The following FER variants were observed in gnomAD, a reference collection of about 807,000 sequenced individuals.
FER encodes the protein tyrosine-protein kinase Fer.
Under a neutral mutation model 111.0 loss-of-function variants are expected in FER, and 63 were observed. The ratio of observed to expected loss-of-function variants is 0.57; its 90% CI spans 0.46 to 0.70. FER has a LOEUF of 0.70. FER is among the 30% of genes least tolerant of loss of function. The pLI is 0.00. For synonymous variants in FER, 327 were observed against 313.9 expected (o/e 1.04, Z -0.44); for missense variants, 914 against 954.0 (o/e 0.96, Z 0.55).
At chr5:109,170,589 G>A (rs1043862971) in intron 17 of FER, among the ~76,000 whole-genome samples, 2 of 152,132 alleles carry the variant, frequency 1.3e-5, no homozygotes, top group South Asian at 2.1e-4. Flanking sequence ...GGGATAATAG[G>A]TTAAGTTCCT....
At chr5:109,140,000 C>T (rs573027588) in intron 17 of FER, among the ~76,000 whole-genome samples, 3 of 152,226 alleles carry the variant, frequency 2.0e-5, no homozygotes, top group South Asian at 4.1e-4. Context: ...CTGTGATTCC[C>T]AAAAAAGCTC....
At chr5:108,927,501 C>T (rs1348541865) in intron 10 of FER, among the ~76,000 whole-genome samples, 1 of 151,858 alleles carries the variant, frequency 6.6e-6, no homozygotes, top group Non-Finnish European at 1.5e-5. Context: ...CCTCATGATC[C>T]ACCTGCCTCG....
chr5:108,949,381 C>T (rs2149636477), intron 11 of FER, among the ~76,000 whole-genome samples: 1 of 151,940 alleles, frequency 6.6e-6, no homozygotes, highest in South Asian at 2.1e-4. Flanking sequence ...TTGCGCTTTC[C>T]CCCCATTTAT....
intron 14 of FER, among the ~76,000 whole-genome samples, chr5:109,038,909 G>A (rs972465080): frequency 2.0e-5 from 3 of 151,854 alleles, no homozygotes; most frequent in Non-Finnish European, 4.4e-5. Context: ...GTATTAGGAG[G>A]AATTTATCTC....
chr5:108,994,759 ATTTG>A (rs1395230071), intron 13 of FER, among the ~76,000 whole-genome samples: 1 of 151,918 alleles, frequency 6.6e-6, no homozygotes, highest in African/African-American at 2.4e-5. Context: ...ATGTTTTTCC[ATTTG>A]TTTGTTTCCT....
chr5:108,817,338 C>T (rs1392447445), intron 3 of FER, among the ~76,000 whole-genome samples: 5 of 151,970 alleles, frequency 3.3e-5, no homozygotes, highest in African/African-American at 1.2e-4. Flanking sequence ...TCCATAAAGA[C>T]ACAGAGACTC....
At chr5:108,852,812 A>G (rs1361275512) in intron 5 of FER, among the ~76,000 whole-genome samples, 1 of 152,154 alleles carries the variant, frequency 6.6e-6, no homozygotes, top group East Asian at 1.9e-4. Flanking sequence ...ATTAAAAGTA[A>G]TGGCACTCTT....
At position 108,773,343 on chromosome 5, in the gene FER, C is replaced by G. The variant is rs139106744; in HGVS notation, c.-60+5105C>G. On this transcript the variant is annotated intron_variant, in intron 2 of 19. Coordinates refer to ENST00000281092, the MANE Select transcript of FER (RefSeq NM_005246.4). Reference sequence around the variant, plus strand: ...TATTCTTCCTGATGCTCTCCCTTTCCCCACACCCCTGCTGTCCCACAGGCC... The same window carrying G: ...TATTCTTCCTGATGCTCTCCCTTTCGCCACACCCCTGCTGTCCCACAGGCC... 8.9e-3 allele frequency among the ~76,000 whole-genome samples: 1,353 copies of G among 152,156 alleles called. 16 individuals carry two copies. Among genetic ancestry groups the G allele is most frequent in the African/African-American group, 0.031 (1,270 of 41,482 alleles).
intron 13 of FER, among the ~76,000 whole-genome samples, chr5:108,977,876 T>A (rs1761571119): frequency 6.6e-6 from 1 of 152,136 alleles, no homozygotes; most frequent in South Asian, 2.1e-4. Context: ...AGATGGAGTC[T>A]CACTATGTCA....
intron 13 of FER, among the ~76,000 whole-genome samples, chr5:109,029,425 C>CTTTTTTTTT (rs757282669): frequency 4.6e-4 from 24 of 52,198 alleles, no homozygotes; most frequent in African/African-American, 1.2e-3. Context: ...ATTCATTGTT[C>CTTTTTTTTT]TTTTTTTTTT....
chr5:108,844,222 T>C (rs1761651017), intron 5 of FER, among the ~76,000 whole-genome samples: 1 of 145,382 alleles, frequency 6.9e-6, no homozygotes, highest in African/African-American at 2.6e-5. Context: ...TATTGTAACA[T>C]CATAACATTT....
chr5:109,161,704 G>A (rs143375642), intron 17 of FER, among the ~76,000 whole-genome samples: 6 of 152,110 alleles, frequency 3.9e-5, no homozygotes, highest in African/African-American at 1.2e-4. Context: ...GTGAATATAC[G>A]CGTATATGTG....
chr5:108,749,065 G>A (rs1750110965), intron 1 of FER: 1 of 152,658 alleles, frequency 6.6e-6, no homozygotes, highest in African/African-American at 2.4e-5. Flanking sequence ...GGGAAGAGGA[G>A]GGAAGGCAAG....
At chr5:108,820,628 T>G in intron 3 of FER, 1 of 822,496 alleles carries the variant, frequency 1.2e-6, no homozygotes, top group Non-Finnish European at 1.5e-6. Context: ...TGTGGTTCTC[T>G]AACTTTTGAG....
intron 16 of FER, among the ~76,000 whole-genome samples, chr5:109,080,073 T>C (rs1232407859): frequency 6.6e-6 from 1 of 152,144 alleles, no homozygotes; most frequent in Non-Finnish European, 1.5e-5. Flanking sequence ...GAATAAAGTG[T>C]ATCTAGAGTG....
intron 10 of FER, among the ~76,000 whole-genome samples, chr5:108,934,043 T>C (rs778640145): frequency 1.4e-4 from 22 of 152,020 alleles, no homozygotes; most frequent in Non-Finnish European, 3.2e-4. Context: ...CTCTTCCTGT[T>C]TGAATACCCT....
chr5:109,108,727 T>A (rs17534807), intron 17 of FER, among the ~76,000 whole-genome samples: 15,876 of 152,174 alleles, frequency 0.1, 841 homozygotes, highest in Non-Finnish European at 0.12. Flanking sequence ...TAACTCACTT[T>A]TTCTAGTTAG....
intron 3 of FER, among the ~76,000 whole-genome samples, chr5:108,831,762 T>A (rs576739133): frequency 2.6e-5 from 4 of 152,210 alleles, no homozygotes; most frequent in Non-Finnish European, 5.9e-5. Context: ...AAATTTTGAT[T>A]TTTGATTACA....
chr5:109,161,920 A>C (rs1433927861), intron 17 of FER, among the ~76,000 whole-genome samples: 2 of 151,960 alleles, frequency 1.3e-5, no homozygotes, highest in African/African-American at 2.4e-5. Context: ...CTACAACCTC[A>C]CTAGCATCTG....
Sources: gnomAD v4.1 joint callset for allele counts (sites outside exome capture counted in the v4.1 genomes callset) on GRCh38, gnomAD v4.1.1 for gene constraint, MANE v1.5 for transcripts, NCBI Gene and HGNC (gene_info 2026-07-23, HGNC 2026-07-21) for gene names.